The following PLEKHN1 variants were observed in gnomAD, a reference collection of about 807,000 sequenced individuals.
PLEKHN1 encodes the protein pleckstrin homology domain containing N1.
PLEKHN1 carries 68 observed loss-of-function variants against 72.8 expected under a neutral mutation model. The ratio of observed to expected loss-of-function variants is 0.93; its 90% CI spans 0.77 to 1.14. PLEKHN1 has a LOEUF of 1.14. Among genes scored for constraint, PLEKHN1 ranks in the 50% most tolerant of loss-of-function variants. PLEKHN1 has a pLI of 0.00. For missense variants in PLEKHN1, 1,015 were observed against 840.5 expected (o/e 1.21, Z -2.57); for synonymous variants, 454 against 371.6 (o/e 1.22, Z -2.55).
chr1:969,636 GTGTA>G (rs1427790268), intron 2 of PLEKHN1, among the ~76,000 whole-genome samples: 16 of 140,504 alleles, frequency 1.1e-4, no homozygotes, highest in Admixed American at 2.7e-4. Flanking sequence ...ATGTGCAACT[GTGTA>G]TGTGTGCACG....
Position 970,298 on chromosome 1 carries a change from CA to C in PLEKHN1, c.206del (p.Gln69ArgfsTer10). On this transcript the variant is annotated frameshift_variant, in exon 3 of 16. Coordinates refer to ENST00000379410, the MANE Select transcript of PLEKHN1 (RefSeq NM_032129.3). LOFTEE classifies it high-confidence loss of function. This position sits in a 1 kb window ranked among gnomAD's most constrained non-coding sequence, Gnocchi z 4.2. ...PGTDILDLEN[Q>X]RENLEQPFLS... ...CTAGGACATCCTGGACCTGGAGAAC[CA>C]GCGAGAAAACCTGGAGCAGCCATTC... is the stretch of plus-strand genomic sequence containing the variant. 6.2e-7 allele frequency: 1 copy of C among 1,613,224 alleles called. No individual in the cohort carries two copies. Among genetic ancestry groups the C allele is most frequent in the Non-Finnish European group, 8.5e-7 (1 of 1,179,916 alleles).
chr1:971,056 G>C, intron 6 of PLEKHN1, 50 bp downstream of exon 6: 2 of 1,580,474 alleles, frequency 1.3e-6, no homozygotes, highest in Non-Finnish European at 1.7e-6. Flanking sequence ...CTCGCAGCCG[G>C]CTCTGACCTC....
At position 966,748 on chromosome 1, in the gene PLEKHN1, C is replaced by T. The variant is rs28499371; in HGVS notation, c.128C>T (p.Ala43Val). 18,871 of 1,575,636 alleles carry T rather than the reference C, an allele frequency of 0.012. 934 individuals carry two copies. In the East Asian group the frequency reaches 0.14, roughly 12 times the overall value. The change falls in exon 2 of 16, where the codon GCT (alanine) becomes GTT (valine). Residue 43 changes from alanine (A) to valine (V), a missense_variant. By Grantham distance (64) the Ala-to-Val change is moderately conservative. Coordinates refer to ENST00000379410, the MANE Select transcript of PLEKHN1 (RefSeq NM_032129.3). ...RMSAGLPGPE[A>V]ARSGDAAANK... ...TCGGCCGGCCTGCCGGGCCCCGAGG[C>T]TGCTCGAAGCGGGGACGCCGCCGCC...
intron 12 of PLEKHN1, 50 bp from the exon 13 acceptor site, chr1:973,450 C>T: frequency 1.9e-6 from 3 of 1,600,802 alleles, no homozygotes; most frequent in Non-Finnish European, 2.6e-6. Context: ...AAGGGGTGGC[C>T]TAGGCTGTTT....
At position 967,415 on chromosome 1, in the gene PLEKHN1, G is replaced by A. The variant is rs1039730281; in HGVS notation, c.183+612G>A. ...CCCTGTGGGACTAAGGGTCTTCACA[G>A]GGTAGATCCCAGCCCCTTTCAGATG... On this transcript the variant is annotated intron_variant, in intron 2 of 15. Transcript: ENST00000379410. Among the ~76,000 whole-genome samples the A allele has an allele frequency of 4.0e-5, 6 of 150,052 alleles. No individual in the cohort carries two copies. In the Admixed American group the frequency reaches 4.2e-4, roughly 10 times the overall value.
Position 975,013 on chromosome 1 carries a change from G to T in PLEKHN1, c.*438G>T. On this transcript the variant is annotated 3_prime_UTR_variant, in exon 16 of 16. Coordinates refer to ENST00000379410, the MANE Select transcript of PLEKHN1 (RefSeq NM_032129.3). ...AGGTGTGAGGAGCACAAGCCAGGGT[G>T]CCCCGAGGAGGAGGGTGGGTGGGTC... 1 of 180,670 alleles carries T rather than the reference G, an allele frequency of 5.5e-6. No homozygotes were observed. The highest frequency in any genetic ancestry group is 1.2e-5 in the Non-Finnish European group (1 of 85,162). The allele number at this position is 180,670 out of a possible 1,614,324, so 11.2% of individuals were successfully genotyped here.
intron 7 of PLEKHN1, 21 bp from the exon 8 acceptor site, chr1:971,303 A>AGGC: frequency 1.3e-6 from 2 of 1,495,450 alleles, no homozygotes; most frequent in Middle Eastern, 2.1e-4. Flanking sequence ...TCATCGCCTG[A>AGGC]CCCCACCCCC....
In PLEKHN1 at chr1:970,519, A is replaced by C; in HGVS notation, c.331-2A>C. ...GCACTGACGACCCTGCTCCCCGCGC[A>C]GGATGTCAGCGACTGCTACCTGGAG... On this transcript the variant is annotated splice_acceptor_variant, in intron 3 of 15. Coordinates refer to ENST00000379410, the MANE Select transcript of PLEKHN1 (RefSeq NM_032129.3). LOFTEE classifies it high-confidence loss of function. The surrounding 1 kb of genome is among the most constrained non-coding windows in gnomAD (Gnocchi z 4.2). 3 of 1,613,110 alleles carry C rather than the reference A, an allele frequency of 1.9e-6. No individual in the cohort carries two copies. Among genetic ancestry groups the C allele is most frequent in the Middle Eastern group, 1.7e-4 (1 of 6,058 alleles).
chr1:975,529 AC>A lies in PLEKHN1; in HGVS notation c.*955del, dbSNP rs1186416867. 1 of 152,356 alleles carries A rather than the reference AC, an allele frequency of 6.6e-6. No homozygotes were observed. The highest frequency in any genetic ancestry group is 6.5e-5 in the Admixed American group (1 of 15,286). 9.4% of individuals were successfully genotyped at this position (152,356 alleles called of 1,614,324 possible). A position where few individuals can be genotyped will look rare whatever the true frequency, so the allele number is the denominator to read the frequency against. On this transcript the variant is annotated 3_prime_UTR_variant, in exon 16 of 16. Transcript: ENST00000379410. ...ACCCCCACCCTGCAGGGGCTGCTGCACTGGGGAGGGGCAGGCAGAGCCTTCG... is the reference window on the plus strand; with the variant it reads ...ACCCCCACCCTGCAGGGGCTGCTGCATGGGGAGGGGCAGGCAGAGCCTTCG...
chr1:967,971 C>A (rs577290876), intron 2 of PLEKHN1, among the ~76,000 whole-genome samples: 2 of 152,222 alleles, frequency 1.3e-5, no homozygotes, highest in African/African-American at 4.8e-5. Flanking sequence ...GAGCTCTGGG[C>A]CAGTCCTAGA....
Position 974,681 on chromosome 1 carries a change from G to A in PLEKHN1, c.*106G>A. Reference sequence around the variant, plus strand: ...AGTCAGGGTCTGAACCCAGTGTGATGGGGGGAGTCTCTGGGGCCCTGAGTT... The same window carrying A: ...AGTCAGGGTCTGAACCCAGTGTGATAGGGGGAGTCTCTGGGGCCCTGAGTT... On this transcript the variant is annotated 3_prime_UTR_variant, in exon 16 of 16. Transcript: ENST00000379410. 1 of 1,390,420 alleles carries A rather than the reference G, an allele frequency of 7.2e-7. No individual in the cohort carries two copies. The highest frequency in any genetic ancestry group is 2.5e-5 in the East Asian group (1 of 39,790). 86.1% of individuals were successfully genotyped at this position (1,390,420 alleles called of 1,614,324 possible).
At position 973,220 on chromosome 1, in the gene PLEKHN1, G is replaced by A. The variant is rs1367915799; in HGVS notation, c.1187G>A (p.Arg396Gln). The change falls in exon 12 of 16, where the codon CGA becomes CAA. Residue 396 changes from arginine to glutamine, a missense_variant. Physicochemically the swap from Arg to Gln is conservative, Grantham distance 43. Transcript: ENST00000379410. Reference sequence around the variant, plus strand: ...AACTCTGACCGTGCCAGCATTGGCCGACGGAGGACCGAGCTGAGACGCAGT... The same window carrying A: ...AACTCTGACCGTGCCAGCATTGGCCAACGGAGGACCGAGCTGAGACGCAGT... ...QANSDRASIG[R>Q]RRTELRRSGS... The A allele has an allele frequency of 2.6e-5, 40 of 1,540,558 alleles. No individual in the cohort carries two copies. The highest frequency in any genetic ancestry group is 3.4e-4 in the Middle Eastern group (2 of 5,886).
chr1:969,382 T>TGC (rs1643164240), intron 2 of PLEKHN1, among the ~76,000 whole-genome samples: 1 of 151,958 alleles, frequency 6.6e-6, no homozygotes, highest in African/African-American at 2.4e-5. Flanking sequence ...TGTATATGTG[T>TGC]GCACACATCT....
At position 970,913 on chromosome 1, in the gene PLEKHN1, C is replaced by T. The variant is rs1470312645; in HGVS notation, c.519C>T (p.Pro173=). The T allele has an allele frequency of 6.2e-7, 1 of 1,610,810 alleles. No individual in the cohort carries two copies. Among genetic ancestry groups the T allele is most frequent in the Non-Finnish European group, 8.5e-7 (1 of 1,179,750 alleles). The change falls in exon 6 of 16, where the codon CCC becomes CCT. Residue 173 remains proline (P), a synonymous_variant. Coordinates refer to ENST00000379410, the MANE Select transcript of PLEKHN1 (RefSeq NM_032129.3). This position sits in a 1 kb window ranked among gnomAD's most constrained non-coding sequence, Gnocchi z 4.2. ...CCGCACCCCTCCTGGTGCTCTGCCCCAGCCGGGCCGAGCTGGACCGCTGGC... is the reference window on the plus strand; with the variant it reads ...CCGCACCCCTCCTGGTGCTCTGCCCTAGCCGGGCCGAGCTGGACCGCTGGC... ...PLPAPLLVLC[P]SRAELDRWLY... is the part of the protein sequence containing the mutation.
rs1397918307 is a variant in PLEKHN1, at chr1:966,554, C to T, written c.23C>T (p.Pro8Leu). The T allele has an allele frequency of 1.2e-6, 2 of 1,610,262 alleles. No individual in the cohort carries two copies. The highest frequency in any genetic ancestry group is 2.7e-5 in the African/African-American group (2 of 74,988). Reference protein sequence around the residue: MGNSHCVPQAPRRLRASF... With the variant: MGNSHCVLQAPRRLRASF... ...GCCATGGGGAACAGCCACTGTGTCCCTCAGGCCCCCAGGAGGCTCCGGGCC... is the reference window on the plus strand; with the variant it reads ...GCCATGGGGAACAGCCACTGTGTCCTTCAGGCCCCCAGGAGGCTCCGGGCC... Residue 8 changes from proline (P) to leucine (L), a missense_variant, in exon 1 of 16, where the codon CCT (proline) becomes CTT (leucine). Physicochemically the swap from Pro to Leu is moderately conservative, Grantham distance 98. Coordinates refer to ENST00000379410, the MANE Select transcript of PLEKHN1 (RefSeq NM_032129.3).
Position 972,990 on chromosome 1 carries a change from T to G in PLEKHN1, c.1132T>G (p.Cys378Gly), listed in dbSNP as rs767010078. 1.2e-5 allele frequency: 19 copies of G among 1,597,288 alleles called. No homozygotes were observed. Among genetic ancestry groups the G allele is most frequent in the Non-Finnish European group, 1.6e-5 (19 of 1,171,956 alleles). The change falls in exon 11 of 16, where the codon TGC (cysteine) becomes GGC (glycine). Residue 378 changes from cysteine (C) to glycine (G), a missense_variant. Cys to Gly is a radical substitution (Grantham distance 159). Coordinates refer to ENST00000379410, the MANE Select transcript of PLEKHN1 (RefSeq NM_032129.3). ...GTCCTCAGTGCCATCCACCGTGGGCTGCTCCTCCCAGCACACACCGGTGAG... is the reference window on the plus strand; with the variant it reads ...GTCCTCAGTGCCATCCACCGTGGGCGGCTCCTCCCAGCACACACCGGTGAG... The part of the protein sequence containing the change: ...PESSVPSTVG[C>G]SSQHTPDQAN...
chr1:973,029 G>A lies in PLEKHN1; in HGVS notation c.1152+19G>A, dbSNP rs943938575. The A allele has an allele frequency of 4.4e-6, 7 of 1,588,022 alleles. No individual in the cohort carries two copies. Among genetic ancestry groups the A allele is most frequent in the South Asian group, 3.4e-5 (3 of 88,332 alleles). On this transcript the variant is annotated intron_variant, in intron 11 of 15. Transcript: ENST00000379410. ...CACACCGGTGAGCGCTTACGGGGTG[G>A]CAGACGAAAGTGGGGCAGAAGGCTG...
At position 970,072 on chromosome 1, in the gene PLEKHN1, G is replaced by T. The variant is rs917137994; in HGVS notation, c.184-205G>T. ...GTATGTGTTGTGTGGCTGTGCACAGGTTCTGTGCCTGTGGGGGGCTGTTCT... is the reference window on the plus strand; with the variant it reads ...GTATGTGTTGTGTGGCTGTGCACAGTTTCTGTGCCTGTGGGGGGCTGTTCT... On this transcript the variant is annotated intron_variant, in intron 2 of 15. Coordinates refer to ENST00000379410, the MANE Select transcript of PLEKHN1 (RefSeq NM_032129.3). The surrounding 1 kb of genome is among the most constrained non-coding windows in gnomAD (Gnocchi z 4.2). Among the ~76,000 whole-genome samples, 2 of 148,004 alleles carry T rather than the reference G, an allele frequency of 1.4e-5. No homozygotes were observed. The highest frequency in any genetic ancestry group is 3.0e-5 in the Non-Finnish European group (2 of 66,186).
rs375145822 is a variant in PLEKHN1, at chr1:972,403, C to T, written c.981C>T (p.Ala327=). The change falls in exon 10 of 16, where the codon GCC becomes GCT. Residue 327 remains alanine, a synonymous_variant. Coordinates refer to ENST00000379410, the MANE Select transcript of PLEKHN1 (RefSeq NM_032129.3). ...HREGAPPLPG[A]ESFPGSQVMG... The stretch of plus-strand genomic sequence containing the variant: ...AGGGGGCCCCGCCGCTGCCTGGTGC[C>T]GAGAGCTTCCCAGGGTCGCAGGTGA... The T allele has an allele frequency of 2.7e-5, 43 of 1,583,378 alleles. No individual in the cohort carries two copies. Among genetic ancestry groups the T allele is most frequent in the Middle Eastern group, 1.7e-4 (1 of 5,794 alleles).
Sources: allele counts gnomAD v4.1 joint callset (sites outside exome capture counted in the v4.1 genomes callset), GRCh38; gene constraint gnomAD v4.1.1; non-coding constraint Gnocchi (gnomAD v3.1); transcripts MANE v1.5; gene names NCBI Gene and HGNC (gene_info 2026-07-23, HGNC 2026-07-21).